Variants in P2RX3 observed in about 807,000 individuals in gnomAD.
P2RX3 encodes the protein purinergic receptor P2X 3.
In P2RX3, 41 loss-of-function variants were observed where a neutral mutation model predicts 51.5. The observed-to-expected ratio is 0.80, with a 90% CI of 0.62 to 1.03. The LOEUF is 1.03. P2RX3 is among the 50% of genes least tolerant of loss of function. P2RX3 has a pLI of 0.00. For missense variants in P2RX3, 459 were observed against 522.1 expected, an observed-to-expected ratio of 0.88 and a Z score of 1.18; for synonymous variants, 185 against 191.6, an observed-to-expected ratio of 0.97 and a Z score of 0.29.
intron 1 of P2RX3, among the ~76,000 whole-genome samples, chr11:57,339,704 T>A (rs1025863808): frequency 3.9e-5 from 6 of 152,330 alleles, no homozygotes; most frequent in East Asian, 1.9e-4. Flanking sequence ...TTTCAGACAA[T>A]GGGTCTTTGC....
At position 57,342,246 on chromosome 11, in the gene P2RX3, G is replaced by A. The variant is rs192345857; in HGVS notation, c.119+3577G>A. 1.8e-3 allele frequency among the ~76,000 whole-genome samples: 239 copies of A among 129,196 alleles called. 2 individuals carry two copies. Among genetic ancestry groups the A allele is most frequent in the African/African-American group, 6.5e-3 (224 of 34,364 alleles). The allele number at this position is 129,196 out of a possible 152,430, so 84.8% of individuals were successfully genotyped here. A position where few individuals can be genotyped will look rare whatever the true frequency, so the allele number is the denominator to read the frequency against. On this transcript the variant is annotated intron_variant, in intron 1 of 11. Coordinates refer to ENST00000263314, the MANE Select transcript of P2RX3 (RefSeq NM_002559.5). Reference sequence around the variant, plus strand: ...GCAATCTCGACTCACTGCAACCTCCGCCTCCTGGGTTGAAGCGACTCTCCT... The same window carrying A: ...GCAATCTCGACTCACTGCAACCTCCACCTCCTGGGTTGAAGCGACTCTCCT...
chr11:57,347,873 A>T (rs760368531), intron 4 of P2RX3, among the ~76,000 whole-genome samples: 5 of 152,190 alleles, frequency 3.3e-5, no homozygotes, highest in Non-Finnish European at 5.9e-5. Context: ...CAAAAAGTTC[A>T]TTCCAGACAG....
chr11:57,338,636 T>C lies in P2RX3; in HGVS notation c.86T>C (p.Val29Ala), dbSNP rs1043325415. 1 of 1,593,208 alleles carries C rather than the reference T, an allele frequency of 6.3e-7. No individual in the cohort carries two copies. The highest frequency in any genetic ancestry group is 8.6e-7 in the Non-Finnish European group (1 of 1,162,866). Residue 29 changes from valine to alanine, a missense_variant, in exon 1 of 12, where the codon GTA (valine) becomes GCA (alanine). Transcript: ENST00000263314. ...TGGACCATCGGGATCATCAACCGAG[T>C]AGTTCAGCTTCTGATCATCTCCTAC... is the stretch of plus-strand genomic sequence containing the variant. ...KSWTIGIINR[V>A]VQLLIISYFV...
rs752647301 is a variant in P2RX3, at chr11:57,369,953, G to A, written c.1150G>A (p.Glu384Lys). 1.2e-5 allele frequency: 19 copies of A among 1,614,074 alleles called. No homozygotes were observed. The highest frequency in any genetic ancestry group is 1.6e-5 in the Non-Finnish European group (19 of 1,179,988). ...PVYPSDQTTA[E>K]KQSTDSGAFS... ...GTACCCCAGCGACCAGACCACAGCG[G>A]AGAAGCAGTCCACCGATTCGGGGGC... Residue 384 changes from glutamate to lysine, a missense_variant, in exon 12 of 12, where the codon GAG becomes AAG. Transcript: ENST00000263314.
chr11:57,348,478 C>A lies in P2RX3; in HGVS notation c.486-149C>A, dbSNP rs528272573. 17 of 719,890 alleles carry A rather than the reference C, an allele frequency of 2.4e-5. No individual in the cohort carries two copies. In the African/African-American group the frequency reaches 2.8e-4, roughly 12 times the overall value. The allele number at this position is 719,890 out of a possible 1,614,324, so 44.6% of individuals were successfully genotyped here. On this transcript the variant is annotated intron_variant, in intron 5 of 11. Coordinates refer to ENST00000263314, the MANE Select transcript of P2RX3 (RefSeq NM_002559.5). ...TGCTGTGACACTCAGGCACAGACAG[C>A]CCCTTCCTATAGCCCACTCTCAAAG...
chr11:57,343,688 G>T (rs1235603117), intron 1 of P2RX3, among the ~76,000 whole-genome samples: 1 of 152,198 alleles, frequency 6.6e-6, no homozygotes, highest in African/African-American at 2.4e-5. Context: ...AGGACGCAGG[G>T]CAGGGGCCTC....
chr11:57,368,478 T>C (rs113094585), intron 10 of P2RX3, 41 bp downstream of exon 10: 6 of 1,604,160 alleles, frequency 3.7e-6, no homozygotes, highest in Admixed American at 3.3e-5. Flanking sequence ...CCAGTCAGAG[T>C]GGGGCCCGGA....
intron 8 of P2RX3, among the ~76,000 whole-genome samples, chr11:57,351,348 G>A (rs1448632612): frequency 6.6e-6 from 1 of 152,216 alleles, no homozygotes; most frequent in Non-Finnish European, 1.5e-5. Flanking sequence ...TGGCAACTTT[G>A]CATTTCTCTC....
intron 8 of P2RX3, 23 bp downstream of exon 8, chr11:57,350,921 A>G: frequency 6.2e-7 from 1 of 1,613,832 alleles, no homozygotes; most frequent in Non-Finnish European, 8.5e-7. Flanking sequence ...CTCCTGGGAC[A>G]CCAGGAGAAG....
chr11:57,350,882 C>G lies in P2RX3; in HGVS notation c.826C>G (p.Pro276Ala). The change falls in exon 8 of 12, where the codon CCA (proline) becomes GCA (alanine). Residue 276 changes from proline (P) to alanine (A), a missense_variant. Coordinates refer to ENST00000263314, the MANE Select transcript of P2RX3 (RefSeq NM_002559.5). ...CGTTTCTGAGAAAAGCAGCGTGTCC[C>G]CAGGCTACAACTTCAGGTAATTCCC... The part of the protein sequence containing the change: ...DSVSEKSSVS[P>A]GYNFRFAKYY... 6.2e-7 allele frequency: 1 copy of G among 1,614,076 alleles called. No individual in the cohort carries two copies. The highest frequency in any genetic ancestry group is 8.5e-7 in the Non-Finnish European group (1 of 1,180,020).
chr11:57,342,640 A>T (rs1402374594), intron 1 of P2RX3, among the ~76,000 whole-genome samples: 1 of 152,138 alleles, frequency 6.6e-6, no homozygotes, highest in African/African-American at 2.4e-5. Flanking sequence ...ATATCTGGAA[A>T]ATGGATTTAG....
At chr11:57,359,477 C>T (rs1183345806) in intron 8 of P2RX3, among the ~76,000 whole-genome samples, 3 of 152,202 alleles carry the variant, frequency 2.0e-5, no homozygotes, top group South Asian at 2.1e-4. Flanking sequence ...CTTCCAGCCA[C>T]GCCTGTCAGA....
chr11:57,348,926 G>T (rs1344915003), intron 6 of P2RX3, among the ~76,000 whole-genome samples: 1 of 152,204 alleles, frequency 6.6e-6, no homozygotes, highest in Non-Finnish European at 1.5e-5. Context: ...CCACCTTGGG[G>T]CTCAGACCCA....
At chr11:57,341,439 C>T (rs1456845654) in intron 1 of P2RX3, among the ~76,000 whole-genome samples, 1 of 152,134 alleles carries the variant, frequency 6.6e-6, no homozygotes, top group African/African-American at 2.4e-5. Context: ...CGCTCTCACC[C>T]CCGCCCCTGG....
At chr11:57,348,518 A>G (rs2134418322) in intron 5 of P2RX3, 109 bp from the exon 6 acceptor site, 3 of 914,804 alleles carry the variant, frequency 3.3e-6, no homozygotes, top group East Asian at 2.5e-5. Context: ...CTTTATCTAT[A>G]AGAGGTCTCC....
rs1447174511 is a variant in P2RX3, at chr11:57,366,962, ATT to A, written c.843-1046_843-1045del. Among the ~76,000 whole-genome samples the A allele has an allele frequency of 7.2e-5, 11 of 152,198 alleles. 1 individual carries two copies. The highest frequency in any genetic ancestry group is 2.7e-4 in the African/African-American group (11 of 41,440). ...AGGCCCCACCTGTCAATACTGCCAC[ATT>A]GGGGATGAAGTTTCGACATGAGTTT... is the stretch of plus-strand genomic sequence containing the variant. On this transcript the variant is annotated intron_variant, in intron 8 of 11. Coordinates refer to ENST00000263314, the MANE Select transcript of P2RX3 (RefSeq NM_002559.5).
intron 8 of P2RX3, among the ~76,000 whole-genome samples, chr11:57,355,122 G>T (rs971971776): frequency 3.3e-4 from 50 of 152,292 alleles, no homozygotes; most frequent in African/African-American, 1.2e-3. Context: ...GAGGAAGGGA[G>T]GAGCACGGAC....
intron 2 of P2RX3, 81 bp from the exon 3 acceptor site, chr11:57,347,035 G>A: frequency 7.2e-7 from 1 of 1,380,166 alleles, no homozygotes; most frequent in Non-Finnish European, 1.0e-6. Flanking sequence ...CTCATCTGTA[G>A]AGTGGGGATA....
chr11:57,353,839 C>A (rs1291353686), intron 8 of P2RX3, among the ~76,000 whole-genome samples: 6 of 4,676 alleles, frequency 1.3e-3, no homozygotes, highest in African/African-American at 1.6e-3. Flanking sequence ...AATGTCACTC[C>A]CCCCCCCCCG....
Sources: gnomAD v4.1 joint callset for allele counts (sites outside exome capture counted in the v4.1 genomes callset) on GRCh38, gnomAD v4.1.1 for gene constraint, MANE v1.5 for transcripts, NCBI Gene and HGNC (gene_info 2026-07-23, HGNC 2026-07-21) for gene names.